The following TBCD variants were observed in gnomAD, a reference collection of about 807,000 sequenced individuals.
The protein encoded by TBCD is tubulin-specific chaperone D.
A neutral mutation model predicts 169.3 loss-of-function variants in TBCD; 105 were observed. The ratio of observed to expected loss-of-function variants is 0.62; its 90% CI spans 0.53 to 0.73. The LOEUF (loss-of-function observed/expected upper bound fraction) is 0.73, where lower values mean the gene tolerates loss of function less well. Ranked by LOEUF, TBCD falls within the 30% of genes least tolerant of loss-of-function variation. TBCD has a pLI of 0.00. For missense variants in TBCD, 1,444 were observed against 1,600.1 expected (o/e 0.90, Z 1.66); for synonymous variants, 700 against 643.9 (o/e 1.09, Z -1.32).
At chr17:82,771,197 G>C (rs1404703443) in intron 5 of TBCD, among the ~76,000 whole-genome samples, 1 of 152,064 alleles carries the variant, frequency 6.6e-6, no homozygotes, top group Non-Finnish European at 1.5e-5. Flanking sequence ...ATCTAGCTGG[G>C]CGTGGAGGTT....
rs2058966205 is a variant in TBCD, at chr17:82,889,288, G to A, written c.1534-380G>A. Among the ~76,000 whole-genome samples the A allele has an allele frequency of 6.6e-6, 1 of 152,148 alleles. No homozygotes were observed. Among genetic ancestry groups the A allele is most frequent in the African/African-American group, 2.4e-5 (1 of 41,440 alleles). On this transcript the variant is annotated intron_variant, in intron 15 of 38. Coordinates refer to ENST00000355528, the MANE Select transcript of TBCD (RefSeq NM_005993.5). The surrounding 1 kb of genome is among the most constrained non-coding windows in gnomAD (Gnocchi z 5.3). The stretch of plus-strand genomic sequence containing the variant: ...CCCTCCCTGGAGGGCGGCACGTGGT[G>A]CCAGTTGGTGACCATGAGCTGCCTC...
intron 13 of TBCD, among the ~76,000 whole-genome samples, chr17:82,821,662 A>G (rs867713587): frequency 6.6e-6 from 1 of 152,230 alleles, no homozygotes; most frequent in East Asian, 1.9e-4. Flanking sequence ...CTGTCACCCC[A>G]TGTCTTATAA....
chr17:82,847,310 G>A (rs1484523008), intron 13 of TBCD, among the ~76,000 whole-genome samples: 1 of 141,528 alleles, frequency 7.1e-6, no homozygotes. Flanking sequence ...CCGAGATCAT[G>A]CCACTGTATT....
At chr17:82,847,356 G>GAAAAAAAAAAAAAAAAAAA (rs1041994030) in intron 13 of TBCD, among the ~76,000 whole-genome samples, 2 of 81,756 alleles carry the variant, frequency 2.4e-5, no homozygotes, top group Non-Finnish European at 4.7e-5. Flanking sequence ...CCATGTCAAA[G>GAAAAAAAAAAAAAAAAAAA]AAAAAAAAAA....
intron 14 of TBCD, among the ~76,000 whole-genome samples, chr17:82,875,535 G>T (rs2057903520): frequency 1.3e-5 from 2 of 152,346 alleles, no homozygotes; most frequent in African/African-American, 4.8e-5. Context: ...CAGCCACGGG[G>T]CCCTCCCCTG....
chr17:82,771,714 C>T (rs1186167955), intron 5 of TBCD, among the ~76,000 whole-genome samples: 1 of 152,150 alleles, frequency 6.6e-6, no homozygotes, highest in Non-Finnish European at 1.5e-5. Context: ...CCGCAGTGCC[C>T]AGCCTACAGT....
At chr17:82,877,082 C>G in intron 14 of TBCD, 1 of 722,446 alleles carries the variant, frequency 1.4e-6, no homozygotes, top group Non-Finnish European at 1.7e-6. Context: ...ACAAATAACA[C>G]ATTTCAAGAA....
chr17:82,764,157 A>G, intron 3 of TBCD, 95 bp downstream of exon 3: 1 of 989,808 alleles, frequency 1.0e-6, no homozygotes. Context: ...CAAGAAAGAT[A>G]GTTCTTAGAC....
Position 82,752,144 on chromosome 17 carries a change from G to C in TBCD, c.-50G>C, listed in dbSNP as rs1314895460. 2 of 1,461,926 alleles carry C rather than the reference G, an allele frequency of 1.4e-6. No individual in the cohort carries two copies. The highest frequency in any genetic ancestry group is 2.7e-5 in the South Asian group (2 of 74,212). The allele number at this position is 1,461,926 out of a possible 1,614,324, so 90.6% of individuals were successfully genotyped here. On this transcript the variant is annotated 5_prime_UTR_variant, in exon 1 of 39. Coordinates refer to ENST00000355528, the MANE Select transcript of TBCD (RefSeq NM_005993.5). Reference sequence around the variant, plus strand: ...TCCCTGGCTTTCGCGCTCTAGCGGAGTGGGATCTGCGAACACGTGAGGCGG... The same window carrying C: ...TCCCTGGCTTTCGCGCTCTAGCGGACTGGGATCTGCGAACACGTGAGGCGG...
At position 82,864,855 on chromosome 17, in the gene TBCD, C is replaced by T. The variant is rs898094; in HGVS notation, c.1319-5369C>T. Among the ~76,000 whole-genome samples the T allele has an allele frequency of 4.8e-4, 63 of 132,420 alleles. 1 individual carries two copies. The highest frequency in any genetic ancestry group is 1.1e-3 in the African/African-American group (40 of 35,790). 86.9% of individuals were successfully genotyped at this position (132,420 alleles called of 152,430 possible). A position where few individuals can be genotyped will look rare whatever the true frequency, so the allele number is the denominator to read the frequency against. On this transcript the variant is annotated intron_variant, in intron 13 of 38. Coordinates refer to ENST00000355528, the MANE Select transcript of TBCD (RefSeq NM_005993.5). This position sits in a 1 kb window ranked among gnomAD's most constrained non-coding sequence, Gnocchi z 6.3. ...GGACAGCGGGGGCCTGCTCACTCCC[C>T]GGGGCACCGTGGGGACAGCGGGGGC...
chr17:82,790,312 C>G (rs1445067684), intron 7 of TBCD, among the ~76,000 whole-genome samples: 1 of 152,232 alleles, frequency 6.6e-6, no homozygotes, highest in Non-Finnish European at 1.5e-5. Flanking sequence ...CCTCTGTGCC[C>G]TTGATCCTGG....
chr17:82,755,906 G>A (rs1451611409), intron 1 of TBCD, among the ~76,000 whole-genome samples: 1 of 152,146 alleles, frequency 6.6e-6, no homozygotes, highest in Non-Finnish European at 1.5e-5. Flanking sequence ...CGAGGCAGTG[G>A]GAAAAGAGGA....
chr17:82,890,458 C>T lies in TBCD; in HGVS notation c.1563+761C>T, dbSNP rs2059052341. On this transcript the variant is annotated intron_variant, in intron 16 of 38. Coordinates refer to ENST00000355528, the MANE Select transcript of TBCD (RefSeq NM_005993.5). The surrounding 1 kb of genome is among the most constrained non-coding windows in gnomAD (Gnocchi z 5.3). ...GGGGCGGCATGGGGTGGACGTGGGC[C>T]TGCGGACCCTTCTGACCTGTGGGGA... 6.6e-6 allele frequency among the ~76,000 whole-genome samples: 1 copy of T among 152,190 alleles called. No individual in the cohort carries two copies. Among genetic ancestry groups the T allele is most frequent in the Admixed American group, 6.5e-5 (1 of 15,284 alleles).
chr17:82,813,953 C>T (rs558463222), intron 12 of TBCD, among the ~76,000 whole-genome samples: 2 of 152,316 alleles, frequency 1.3e-5, no homozygotes, highest in East Asian at 3.9e-4. Flanking sequence ...GTATTCTTGT[C>T]CATACTGATT....
Position 82,903,590 on chromosome 17 carries a change from T to A in TBCD, c.1804+112T>A. 9.0e-7 allele frequency: 1 copy of A among 1,112,532 alleles called. No individual in the cohort carries two copies. The highest frequency in any genetic ancestry group is 1.3e-6 in the Non-Finnish European group (1 of 774,502). 68.9% of individuals were successfully genotyped at this position (1,112,532 alleles called of 1,614,324 possible). The stretch of plus-strand genomic sequence containing the variant: ...AAATAAGGTTGTGCTTCTGTCTTGG[T>A]GAGAAGCATCTGAGGAAAGAGCTGT... On this transcript the variant is annotated intron_variant, in intron 19 of 38. Transcript: ENST00000355528. The surrounding 1 kb of genome is among the most constrained non-coding windows in gnomAD (Gnocchi z 4.8).
intron 23 of TBCD, among the ~76,000 whole-genome samples, chr17:82,912,687 G>A (rs1056439010): frequency 6.6e-6 from 1 of 152,354 alleles, no homozygotes; most frequent in Non-Finnish European, 1.5e-5. Context: ...GCTGGGATTC[G>A]GGGAACCCAC....
chr17:82,909,095 C>T (rs766821655), intron 21 of TBCD, among the ~76,000 whole-genome samples, 190 bp from the exon 22 acceptor site: 37 of 152,232 alleles, frequency 2.4e-4, no homozygotes, highest in Non-Finnish European at 4.0e-4. Flanking sequence ...AGCTCTGGGC[C>T]TGTCTGGAGG....
chr17:82,770,805 G>A (rs934651661), intron 5 of TBCD, among the ~76,000 whole-genome samples: 1 of 151,844 alleles, frequency 6.6e-6, no homozygotes, highest in Admixed American at 6.6e-5. Flanking sequence ...CACGAGGTCA[G>A]GAGTTTAAGA....
rs2050989397 is a variant in TBCD at position 82,806,703 on chromosome 17, G to A, written c.1087+692G>A. On this transcript the variant is annotated intron_variant, in intron 10 of 38. Coordinates refer to ENST00000355528, the MANE Select transcript of TBCD (RefSeq NM_005993.5). This position sits in a 1 kb window ranked among gnomAD's most constrained non-coding sequence, Gnocchi z 5.1. The stretch of plus-strand genomic sequence containing the variant: ...TGTGCTGCACTCTGCTCACATCCCC[G>A]CCGCTCCCTCCAGGGCAGGTTTCTC... Among the ~76,000 whole-genome samples the A allele has an allele frequency of 6.6e-6, 1 of 152,016 alleles. No homozygotes were observed. Among genetic ancestry groups the A allele is most frequent in the Non-Finnish European group, 1.5e-5 (1 of 67,992 alleles).
Sources: allele counts gnomAD v4.1 joint callset (sites outside exome capture counted in the v4.1 genomes callset), GRCh38; gene constraint gnomAD v4.1.1; non-coding constraint Gnocchi (gnomAD v3.1); transcripts MANE v1.5; gene names NCBI Gene and HGNC (gene_info 2026-07-23, HGNC 2026-07-21).